Variants in NEBL observed in about 807,000 individuals in gnomAD.
NEBL encodes the protein LIM and SH3 protein 2.
A neutral mutation model predicts 140.2 loss-of-function variants in NEBL; 122 were observed. That is an observed-to-expected ratio of 0.87 (90% CI 0.75 to 1.01). The LOEUF is 1.01. NEBL is among the 50% of genes least tolerant of loss of function. The pLI is 0.00. For missense variants in NEBL, 1,365 were observed against 1,231.3 expected (o/e 1.11, Z -1.62); for synonymous variants, 436 against 398.9 (o/e 1.09, Z -1.11).
rs697161 is a variant in NEBL at position 20,889,645 on chromosome 10, G to A, written c.258+200C>T. ...AAAATATAGACATATATAATAAAAT[G>A]TATGAAGCATACATAGTAAAATCTG... is the stretch of plus-strand genomic sequence containing the variant. On this transcript the variant is annotated intron_variant, in intron 3 of 27. Transcript: ENST00000377122. 0.9 allele frequency among the ~76,000 whole-genome samples: 136,705 copies of A among 152,200 alleles called. 61,536 individuals are homozygous for A. Among genetic ancestry groups the A allele is most frequent in the South Asian group, 0.92 (4,460 of 4,828 alleles).
At chr10:21,252,321 C>G (rs1422464319) in intron 1 of NEBL, among the ~76,000 whole-genome samples, 1 of 152,068 alleles carries the variant, frequency 6.6e-6, no homozygotes, top group Non-Finnish European at 1.5e-5. Context: ...ATGCCCCTGG[C>G]AGAATATGTG....
chr10:20,826,903 G>A (rs1039622853), intron 17 of NEBL, among the ~76,000 whole-genome samples: 6 of 152,160 alleles, frequency 3.9e-5, no homozygotes, highest in South Asian at 2.1e-4. Context: ...CCATTAAGCC[G>A]TTATCACTGA....
intron 1 of NEBL, among the ~76,000 whole-genome samples, chr10:21,288,768 A>AAAAAAATAAAAAG (rs1554836841): frequency 8.4e-6 from 1 of 118,950 alleles, no homozygotes; most frequent in African/African-American, 3.2e-5. Flanking sequence ...GCCAAAAAAA[A>AAAAAAATAAAAAG]AAAAAAGAAA....
chr10:21,153,839 T>C (rs1840236253), intron 2 of NEBL, among the ~76,000 whole-genome samples: 1 of 152,128 alleles, frequency 6.6e-6, no homozygotes, highest in Non-Finnish European at 1.5e-5. Flanking sequence ...AAAATAAAAG[T>C]ATATACGGAA....
chr10:21,166,902 C>T (rs1255750588), intron 2 of NEBL, among the ~76,000 whole-genome samples: 1 of 152,152 alleles, frequency 6.6e-6, no homozygotes. Flanking sequence ...TCAGGAGGCC[C>T]AACTACAGAT....
chr10:21,252,398 T>G (rs1397145317), intron 1 of NEBL, among the ~76,000 whole-genome samples: 1 of 152,168 alleles, frequency 6.6e-6, no homozygotes. Context: ...ATTGATTGAT[T>G]GATAGATAGA....
chr10:21,290,311 C>T (rs1356850783), intron 1 of NEBL, among the ~76,000 whole-genome samples: 14 of 152,158 alleles, frequency 9.2e-5, no homozygotes, highest in Non-Finnish European at 2.9e-5. Context: ...CTCCGGTATG[C>T]TGAGCATTTT....
Position 20,780,711 on chromosome 10 carries a change from CA to C in NEBL, c.*5035del, listed in dbSNP as rs1483534903. 6.6e-6 allele frequency: 1 copy of C among 152,068 alleles called. No homozygotes were observed. Among genetic ancestry groups the C allele is most frequent in the African/African-American group, 2.4e-5 (1 of 41,400 alleles). The allele number at this position is 152,068 out of a possible 1,614,324, so 9.4% of individuals were successfully genotyped here. A position where few individuals can be genotyped will look rare whatever the true frequency, so the allele number is the denominator to read the frequency against. On this transcript the variant is annotated 3_prime_UTR_variant, in exon 28 of 28. Coordinates refer to ENST00000377122, the MANE Select transcript of NEBL (RefSeq NM_006393.3). Reference sequence around the variant, plus strand: ...GAAATTAATGTGTTATAATGTTTTACAAATACAGAGAGAAAACACAGAATAT... The same window carrying C: ...GAAATTAATGTGTTATAATGTTTTACAATACAGAGAGAAAACACAGAATAT...
At position 20,869,768 on chromosome 10, in the gene NEBL, G is replaced by C; in HGVS notation, c.554C>G (p.Ala185Gly). ...AELDRPDIKM[A>G]TQISKIISNA... ...GCTTATGATCTTAGAGATCTGGGTT[G>C]CCATCTTGATGTCTGGTCGGTCAAG... Residue 185 changes from alanine to glycine, a missense_variant, in exon 6 of 28, where the codon GCA becomes GGA. Ala to Gly is a moderately conservative substitution (Grantham distance 60, BLOSUM62 0). Transcript: ENST00000377122. The C allele has an allele frequency of 6.2e-7, 1 of 1,612,066 alleles. No homozygotes were observed. The highest frequency in any genetic ancestry group is 8.5e-7 in the Non-Finnish European group (1 of 1,178,222).
intron 4 of NEBL, among the ~76,000 whole-genome samples, chr10:20,904,318 C>A (rs1488992732): frequency 6.6e-6 from 1 of 152,086 alleles, no homozygotes; most frequent in Non-Finnish European, 1.5e-5. Context: ...ATATGTGGTT[C>A]TTCAGATTCA....
At chr10:21,043,611 C>T (rs574676986) in intron 2 of NEBL, among the ~76,000 whole-genome samples, 9 of 152,228 alleles carry the variant, frequency 5.9e-5, no homozygotes, top group African/African-American at 1.9e-4. Flanking sequence ...TTCCTTTGTA[C>T]TGAAAAAGAA....
chr10:20,850,130 T>C (rs537695047), intron 11 of NEBL, among the ~76,000 whole-genome samples: 25 of 152,286 alleles, frequency 1.6e-4, no homozygotes, highest in Non-Finnish European at 3.4e-4. Flanking sequence ...GTCAGTTATA[T>C]TATCATAGAA....
intron 2 of NEBL, among the ~76,000 whole-genome samples, chr10:21,161,470 T>C (rs1007920613): frequency 5.3e-5 from 8 of 152,136 alleles, no homozygotes; most frequent in Admixed American, 1.3e-4. Flanking sequence ...AGAGGGACAA[T>C]TTCTGAGCAC....
At chr10:20,812,657 C>T in intron 24 of NEBL, 112 bp downstream of exon 24, 1 of 1,353,414 alleles carries the variant, frequency 7.4e-7, no homozygotes, top group Non-Finnish European at 1.0e-6. Context: ...AAATTGGGTA[C>T]CACAACCAAC....
intron 3 of NEBL, among the ~76,000 whole-genome samples, chr10:21,221,979 G>A (rs1215583099): frequency 6.6e-6 from 1 of 151,890 alleles, no homozygotes; most frequent in Non-Finnish European, 1.5e-5. Flanking sequence ...AGGTAGTGAG[G>A]CTCTGAGCAA....
intron 4 of NEBL, among the ~76,000 whole-genome samples, chr10:20,931,550 T>C (rs1589031135): frequency 6.6e-6 from 1 of 152,134 alleles, no homozygotes; most frequent in African/African-American, 2.4e-5. Context: ...GTCAGTCCTT[T>C]TGCGCCATGG....
chr10:20,810,771 C>T (rs556026145), intron 24 of NEBL, among the ~76,000 whole-genome samples: 1 of 152,334 alleles, frequency 6.6e-6, no homozygotes, highest in Admixed American at 6.5e-5. Flanking sequence ...AATGGGGCTA[C>T]AGCAAAAACA....
At chr10:21,035,468 C>A (rs1833977390) in intron 2 of NEBL, among the ~76,000 whole-genome samples, 1 of 152,232 alleles carries the variant, frequency 6.6e-6, no homozygotes, top group South Asian at 2.1e-4. Flanking sequence ...GCAAATCACA[C>A]TTTCTTCCTA....
chr10:21,155,384 A>C (rs2132138086), intron 2 of NEBL, among the ~76,000 whole-genome samples: 1 of 152,166 alleles, frequency 6.6e-6, no homozygotes, highest in Admixed American at 6.5e-5. Flanking sequence ...ATTCATTCTA[A>C]CTATTTTTTT....
Sources: gnomAD v4.1 joint callset for allele counts (sites outside exome capture counted in the v4.1 genomes callset) on GRCh38, gnomAD v4.1.1 for gene constraint, MANE v1.5 for transcripts, NCBI Gene and HGNC (gene_info 2026-07-23, HGNC 2026-07-21) for gene names.